Variants in TPCN1 observed in about 807,000 individuals in gnomAD.
TPCN1 encodes the protein two pore channel protein 1.
Under a neutral mutation model 108.8 loss-of-function variants are expected in TPCN1, and 52 were observed. The ratio of observed to expected loss-of-function variants is 0.48; its 90% CI spans 0.38 to 0.60. TPCN1 has a LOEUF of 0.60. TPCN1 is among the 20% of genes least tolerant of loss of function. TPCN1 has a pLI of 0.00. For missense variants in TPCN1, 806 were observed against 1,072.8 expected (o/e 0.75, Z 3.47); for synonymous variants, 446 against 433.7 (o/e 1.03, Z -0.35).
chr12:113,295,968 T>G lies in TPCN1; in HGVS notation c.2343T>G (p.Tyr781Ter). Reference protein sequence around the residue: ...KMYQEEIQEWYEEHAREQEQQ... With the variant: ...KMYQEEIQEW ...TCTGCTCTCTTCTCCAGGAGTGGTA[T>G]GAGGAGCATGCCAGGGAGCAAGAGC... Residue 781 changes from tyrosine to a stop codon, truncating the protein, a stop_gained, in exon 28 of 28, where the codon TAT becomes TAG. Coordinates refer to ENST00000335509, the MANE Select transcript of TPCN1 (RefSeq NM_017901.6). LOFTEE classifies it low-confidence loss of function (END_TRUNC). 1.9e-6 allele frequency: 3 copies of G among 1,604,886 alleles called. No homozygotes were observed. The highest frequency in any genetic ancestry group is 2.5e-6 in the Non-Finnish European group (3 of 1,176,486).
At position 113,294,401 on chromosome 12, in the gene TPCN1, C is replaced by T. The variant is rs978440716; in HGVS notation, c.2334+1052C>T. ...CAGCACTTTGGGAGGCCAAGGCAGG[C>T]GGATCACTTGATGCCAGGAGCTCGA... is the stretch of plus-strand genomic sequence containing the variant. On this transcript the variant is annotated intron_variant, in intron 27 of 27. Transcript: ENST00000335509. Among the ~76,000 whole-genome samples, 9 of 152,032 alleles carry T rather than the reference C, an allele frequency of 5.9e-5. No homozygotes were observed. The East Asian group carries it at 7.7e-4, about 13-fold the overall frequency.
intron 19 of TPCN1, 48 bp downstream of exon 19, chr12:113,287,142 G>A (rs763891326): frequency 2.2e-5 from 33 of 1,479,144 alleles, no homozygotes; most frequent in South Asian, 1.6e-4. Context: ...GAGGGAGGAC[G>A]GGAATGCCCC....
chr12:113,282,874 T>C (rs1416202399), intron 15 of TPCN1, among the ~76,000 whole-genome samples: 4 of 151,980 alleles, frequency 2.6e-5, no homozygotes, highest in Non-Finnish European at 4.4e-5. Context: ...TCACTTGAGG[T>C]CAGGAGTTCG....
chr12:113,234,578 G>A (rs1033946383), intron 2 of TPCN1, among the ~76,000 whole-genome samples: 25 of 152,162 alleles, frequency 1.6e-4, no homozygotes, highest in African/African-American at 4.8e-4. Flanking sequence ...TACCCTTTAC[G>A]CCTTGTTTGC....
At chr12:113,270,768 C>T (rs903034745) in intron 7 of TPCN1, among the ~76,000 whole-genome samples, 1 of 152,072 alleles carries the variant, frequency 6.6e-6, no homozygotes, top group Non-Finnish European at 1.5e-5. Context: ...CGTGGGCCAC[C>T]GCGCCCGGCC....
intron 2 of TPCN1, among the ~76,000 whole-genome samples, chr12:113,240,283 G>A (rs1954060381): frequency 6.6e-6 from 1 of 152,170 alleles, no homozygotes; most frequent in Non-Finnish European, 1.5e-5. Flanking sequence ...TCTATAAATG[G>A]AGGTGGCTTG....
At chr12:113,227,614 G>A (rs73192816) in intron 2 of TPCN1, among the ~76,000 whole-genome samples, 3,248 of 152,250 alleles carry the variant, frequency 0.021, 39 homozygotes, top group Admixed American at 0.031. Flanking sequence ...TTCTCATCCC[G>A]AAGCCATTTG....
At chr12:113,241,891 C>T (rs1327726596) in intron 2 of TPCN1, among the ~76,000 whole-genome samples, 1 of 151,846 alleles carries the variant, frequency 6.6e-6, no homozygotes. Context: ...TCAATAAATA[C>T]TTTGTGAGTG....
At chr12:113,246,805 T>C (rs895378040) in intron 2 of TPCN1, among the ~76,000 whole-genome samples, 4 of 152,032 alleles carry the variant, frequency 2.6e-5, no homozygotes, top group African/African-American at 9.7e-5. Context: ...AGGCCAAAGG[T>C]GTTGCTTCTT....
intron 2 of TPCN1, among the ~76,000 whole-genome samples, chr12:113,229,593 A>G (rs1015064595): frequency 3.3e-5 from 5 of 152,148 alleles, no homozygotes; most frequent in African/African-American, 1.2e-4. Flanking sequence ...TGTTCAAGCA[A>G]TTCTCCTGCC....
Position 113,266,378 on chromosome 12 carries a change from A to AC in TPCN1, c.414+23dup. ...CTATGTGAGCGCACATGCTCCTCAT[A>AC]CGGGGGGCTGGGAGCCACGGCTTTC... On this transcript the variant is annotated intron_variant, in intron 4 of 27. Transcript: ENST00000335509. The surrounding 1 kb of genome is among the most constrained non-coding windows in gnomAD (Gnocchi z 4.2). 6.3e-7 allele frequency: 1 copy of AC among 1,599,648 alleles called. No homozygotes were observed. Among genetic ancestry groups the AC allele is most frequent in the Non-Finnish European group, 8.5e-7 (1 of 1,177,856 alleles).
At position 113,288,267 on chromosome 12, in the gene TPCN1, C is replaced by G; in HGVS notation, c.1706+33C>G. ...CAGCCCCCACCCTGGCCTGCAGGTC[C>G]AGGTGCCGTGTGGCAGTGCCCCGTG... On this transcript the variant is annotated intron_variant, in intron 20 of 27. Transcript: ENST00000335509. This position sits in a 1 kb window ranked among gnomAD's most constrained non-coding sequence, Gnocchi z 4.8. 6.2e-7 allele frequency: 1 copy of G among 1,613,144 alleles called. No homozygotes were observed. The highest frequency in any genetic ancestry group is 1.3e-5 in the African/African-American group (1 of 75,052).
chr12:113,242,296 T>C (rs919476210), intron 2 of TPCN1, among the ~76,000 whole-genome samples: 2 of 152,168 alleles, frequency 1.3e-5, no homozygotes, highest in African/African-American at 4.8e-5. Flanking sequence ...CCTGATCAGG[T>C]TGCTCCACAC....
Position 113,267,922 on chromosome 12 carries a change from A to T in TPCN1, c.494A>T (p.His165Leu). The part of the protein sequence containing the change: ...LCMKLRWLGL[H>L]TFIRHKRTMV... ...ATGAAGTTACGCTGGCTGGGCCTCC[A>T]CACCTTCATCCGGCACAAGCGGACC... The change falls in exon 5 of 28, where the codon CAC (histidine) becomes CTC (leucine). Residue 165 changes from histidine (H) to leucine (L), a missense_variant. Physicochemically the swap from His to Leu is moderately conservative, Grantham distance 99. Coordinates refer to ENST00000335509, the MANE Select transcript of TPCN1 (RefSeq NM_017901.6). 6.2e-7 allele frequency: 1 copy of T among 1,614,042 alleles called. No individual in the cohort carries two copies. The highest frequency in any genetic ancestry group is 8.5e-7 in the Non-Finnish European group (1 of 1,179,942).
rs1025535894 is a variant in TPCN1, at chr12:113,231,999, T to C, written c.112+5035T>C. On this transcript the variant is annotated intron_variant, in intron 2 of 27. Transcript: ENST00000335509. This position sits in a 1 kb window ranked among gnomAD's most constrained non-coding sequence, Gnocchi z 4.3. ...AAGGAATTTCCCAGGGTAACTCTGGTCACACTCAGCTCTGCCTTCTCCCTG... is the reference window on the plus strand; with the variant it reads ...AAGGAATTTCCCAGGGTAACTCTGGCCACACTCAGCTCTGCCTTCTCCCTG... 1.3e-5 allele frequency among the ~76,000 whole-genome samples: 2 copies of C among 152,166 alleles called. No homozygotes were observed. The highest frequency in any genetic ancestry group is 4.8e-5 in the African/African-American group (2 of 41,432).
At position 113,273,521 on chromosome 12, in the gene TPCN1, A is replaced by G. The variant is rs1275156272; in HGVS notation, c.843-48A>G. Reference sequence around the variant, plus strand: ...TCTGCAAGGCATGTGCTCTGAGAGGATGGAGACAGGCAGATACAGCACGCC... The same window carrying G: ...TCTGCAAGGCATGTGCTCTGAGAGGGTGGAGACAGGCAGATACAGCACGCC... On this transcript the variant is annotated intron_variant, in intron 9 of 27. Coordinates refer to ENST00000335509, the MANE Select transcript of TPCN1 (RefSeq NM_017901.6). This position sits in a 1 kb window ranked among gnomAD's most constrained non-coding sequence, Gnocchi z 4.0. 6 of 1,465,920 alleles carry G rather than the reference A, an allele frequency of 4.1e-6. No individual in the cohort carries two copies. The highest frequency in any genetic ancestry group is 4.8e-6 in the Non-Finnish European group (5 of 1,045,742). 90.8% of individuals were successfully genotyped at this position (1,465,920 alleles called of 1,614,324 possible). A position where few individuals can be genotyped will look rare whatever the true frequency, so the allele number is the denominator to read the frequency against.
chr12:113,269,525 G>T lies in TPCN1; in HGVS notation c.660-232G>T, dbSNP rs1001409971. ...CTTGCATGGCACTCACCTCCTTGGG[G>T]CCTCACCAGGTGGAGGTGGCTGTGT... is the stretch of plus-strand genomic sequence containing the variant. On this transcript the variant is annotated intron_variant, in intron 6 of 27. Transcript: ENST00000335509. The surrounding 1 kb of genome is among the most constrained non-coding windows in gnomAD (Gnocchi z 5.0). Among the ~76,000 whole-genome samples, 2 of 152,158 alleles carry T rather than the reference G, an allele frequency of 1.3e-5. No homozygotes were observed. Among genetic ancestry groups the T allele is most frequent in the Non-Finnish European group, 2.9e-5 (2 of 68,030 alleles).
rs539500110 is a variant in TPCN1 at position 113,226,866 on chromosome 12, T to C, written c.14T>C (p.Leu5Ser). MAVS[L>S]DDDVPLILTL... ...GGAGAAGAGAACATGGCTGTGAGTT[T>C]GGATGACGACGTGCCGCTCATCCTG... The change falls in exon 2 of 28, where the codon TTG becomes TCG. Residue 5 changes from leucine to serine, a missense_variant. Coordinates refer to ENST00000335509, the MANE Select transcript of TPCN1 (RefSeq NM_017901.6). The C allele has an allele frequency of 1.2e-6, 2 of 1,614,166 alleles. No individual in the cohort carries two copies. The highest frequency in any genetic ancestry group is 2.2e-5 in the South Asian group (2 of 91,082).
intron 18 of TPCN1, 63 bp downstream of exon 18, chr12:113,286,024 T>G: frequency 1.4e-6 from 2 of 1,400,902 alleles, no homozygotes; most frequent in Non-Finnish European, 2.0e-6. Flanking sequence ...CAGACCCTTC[T>G]CTGCACACCC....
Sources: allele counts gnomAD v4.1 joint callset (sites outside exome capture counted in the v4.1 genomes callset), GRCh38; gene constraint gnomAD v4.1.1; non-coding constraint Gnocchi (gnomAD v3.1); transcripts MANE v1.5; gene names NCBI Gene and HGNC (gene_info 2026-07-23, HGNC 2026-07-21).